NSMCE2: variants seen among roughly 807,000 people sequenced by gnomAD.
The protein encoded by NSMCE2 is E3 SUMO-protein ligase NSE2.
Under a neutral mutation model 23.8 loss-of-function variants are expected in NSMCE2, and 24 were observed. That is an observed-to-expected ratio of 1.01 (90% confidence interval 0.73 to 1.42). NSMCE2 has a LOEUF of 1.42. NSMCE2 is among the 40% of genes most tolerant of loss of function. NSMCE2 has a pLI of 0.00. For missense variants in NSMCE2, 284 were observed against 296.5 expected, an observed-to-expected ratio of 0.96 and a Z score of 0.31; for synonymous variants, 92 against 94.1, an observed-to-expected ratio of 0.98 and a Z score of 0.13.
chr8:125,207,060 A>G (rs1367071904), intron 5 of NSMCE2, among the ~76,000 whole-genome samples: 1 of 152,194 alleles, frequency 6.6e-6, no homozygotes, highest in Non-Finnish European at 1.5e-5. Flanking sequence ...CTGAGTCCTA[A>G]ATAAAATTAT....
chr8:125,267,774 T>C (rs1043159235), intron 5 of NSMCE2, among the ~76,000 whole-genome samples: 1 of 152,026 alleles, frequency 6.6e-6, no homozygotes, highest in African/African-American at 2.4e-5. Context: ...AGACTCTGTC[T>C]CAAAAAATAG....
Position 125,366,854 on chromosome 8 carries a change from A to T in NSMCE2, c.713A>T (p.His238Leu). ...DEALRRAIEN[H>L]NKKRHRHSE Reference sequence around the variant, plus strand: ...GCACTTAGAAGGGCAATTGAGAACCATAACAAGAAAAGACATCGTCATTCC... The same window carrying T: ...GCACTTAGAAGGGCAATTGAGAACCTTAACAAGAAAAGACATCGTCATTCC... Residue 238 changes from histidine to leucine, a missense_variant, in exon 8 of 8, where the codon CAT becomes CTT. This residue lies in a region of NSMCE2 where 102 missense variants were observed against 141.0 expected (regional missense o/e 0.72). Transcript: ENST00000287437. The T allele has an allele frequency of 6.2e-7, 1 of 1,611,516 alleles. No individual in the cohort carries two copies. Among genetic ancestry groups the T allele is most frequent in the Non-Finnish European group, 8.5e-7 (1 of 1,177,610 alleles).
At chr8:125,320,980 AAG>A (rs1829428790) in intron 5 of NSMCE2, among the ~76,000 whole-genome samples, 1 of 152,136 alleles carries the variant, frequency 6.6e-6, no homozygotes, top group Non-Finnish European at 1.5e-5. Context: ...GAGCAGGAGG[AAG>A]AGAGAGGGGC....
chr8:125,228,224 G>A (rs1302181341), intron 5 of NSMCE2, among the ~76,000 whole-genome samples: 1 of 152,114 alleles, frequency 6.6e-6, no homozygotes, highest in African/African-American at 2.4e-5. Context: ...GTTGAAATAA[G>A]TGGTGTTTGT....
At chr8:125,295,357 G>A (rs1052560135) in intron 5 of NSMCE2, among the ~76,000 whole-genome samples, 2 of 152,080 alleles carry the variant, frequency 1.3e-5, no homozygotes, top group South Asian at 4.1e-4. Context: ...GGTAAAAACA[G>A]CATCCAAAAG....
intron 5 of NSMCE2, chr8:125,182,492 G>A: frequency 1.8e-6 from 1 of 553,432 alleles, no homozygotes; most frequent in Non-Finnish European, 3.2e-6. Flanking sequence ...TTTCCCAGCA[G>A]CTAGTTATGT....
intron 5 of NSMCE2, among the ~76,000 whole-genome samples, chr8:125,340,002 G>GTTTTTTTT (rs202059678): frequency 1.9e-5 from 2 of 103,662 alleles, no homozygotes; most frequent in Non-Finnish European, 4.1e-5. Context: ...CGACGTTGTA[G>GTTTTTTTT]TTTTTTTTTG....
intron 5 of NSMCE2, among the ~76,000 whole-genome samples, chr8:125,306,739 G>A (rs948661409): frequency 4.6e-5 from 7 of 152,126 alleles, no homozygotes; most frequent in Non-Finnish European, 8.8e-5. Flanking sequence ...GTTATCTAGT[G>A]TAATGGTTAA....
At chr8:125,291,172 GT>G (rs943918937) in intron 5 of NSMCE2, among the ~76,000 whole-genome samples, 1 of 152,158 alleles carries the variant, frequency 6.6e-6, no homozygotes, top group Non-Finnish European at 1.5e-5. Context: ...TCAGAGGTAG[GT>G]GATGGTGTTA....
At chr8:125,124,156 T>C (rs367566549) in intron 3 of NSMCE2, 6 of 152,340 alleles carry the variant, frequency 3.9e-5, no homozygotes, top group African/African-American at 1.4e-4. Context: ...ATATGTGGTC[T>C]TTTGTGACTG....
At chr8:125,282,756 A>T (rs1372534182) in intron 5 of NSMCE2, among the ~76,000 whole-genome samples, 1 of 152,234 alleles carries the variant, frequency 6.6e-6, no homozygotes, top group Non-Finnish European at 1.5e-5. Context: ...TTATCCCTTC[A>T]AAGTATCTGT....
chr8:125,311,770 A>G (rs1828980211), intron 5 of NSMCE2, among the ~76,000 whole-genome samples: 1 of 152,232 alleles, frequency 6.6e-6, no homozygotes, highest in South Asian at 2.1e-4. Context: ...TAGAATCAAG[A>G]AATGATAGTT....
chr8:125,126,653 C>T (rs1427878391), intron 3 of NSMCE2, among the ~76,000 whole-genome samples: 1 of 152,166 alleles, frequency 6.6e-6, no homozygotes, highest in East Asian at 1.9e-4. Flanking sequence ...GTTGGCTAGG[C>T]AGAATAACCT....
chr8:125,160,436 G>A (rs6988747), intron 4 of NSMCE2, among the ~76,000 whole-genome samples: 14,164 of 152,166 alleles, frequency 0.093, 827 homozygotes, highest in South Asian at 0.17. Context: ...GCTGAAGGAA[G>A]GGCCTCTTTC....
At chr8:125,286,967 C>T (rs528236044) in intron 5 of NSMCE2, among the ~76,000 whole-genome samples, 14 of 152,210 alleles carry the variant, frequency 9.2e-5, no homozygotes, top group African/African-American at 3.1e-4. Flanking sequence ...GGTGAACTCC[C>T]GATCTCACTG....
intron 3 of NSMCE2, chr8:125,126,874 T>C (rs974511663): frequency 5.3e-5 from 8 of 152,250 alleles, no homozygotes; most frequent in Admixed American, 2.0e-4. Flanking sequence ...AATTAAATAC[T>C]GTATATAAAA....
chr8:125,119,638 A>G (rs1819176774), intron 3 of NSMCE2, among the ~76,000 whole-genome samples: 1 of 152,208 alleles, frequency 6.6e-6, no homozygotes, highest in South Asian at 2.1e-4. Flanking sequence ...CTAAGCAAAG[A>G]TGACAGCTTA....
chr8:125,235,734 T>C (rs189880601), intron 5 of NSMCE2, among the ~76,000 whole-genome samples: 1 of 152,366 alleles, frequency 6.6e-6, no homozygotes, highest in Non-Finnish European at 1.5e-5. Context: ...ATACACATCT[T>C]ATCTTCCTTT....
intron 5 of NSMCE2, among the ~76,000 whole-genome samples, chr8:125,318,449 T>C (rs1334546450): frequency 6.6e-6 from 1 of 152,182 alleles, no homozygotes; most frequent in African/African-American, 2.4e-5. Context: ...GGAAAAGATG[T>C]ACACTTCTGA....
Sources: allele counts gnomAD v4.1 joint callset (sites outside exome capture counted in the v4.1 genomes callset), GRCh38; gene constraint gnomAD v4.1.1; regional missense constraint gnomAD v4.1.1; transcripts MANE v1.5; gene names NCBI Gene and HGNC (gene_info 2026-07-23, HGNC 2026-07-21).